LAMB4: variants seen among roughly 807,000 people sequenced by gnomAD.
The protein encoded by LAMB4 is laminin subunit beta 4, also known as laminin subunit beta-4.
Under a neutral mutation model 199.2 loss-of-function variants are expected in LAMB4, and 196 were observed. That is an observed-to-expected ratio of 0.98 (90% confidence interval 0.88 to 1.11). The LOEUF (loss-of-function observed/expected upper bound fraction) is 1.11, where lower values mean the gene tolerates loss of function less well. Ranked by LOEUF, LAMB4 falls within the 50% of genes least tolerant of loss-of-function variation. LAMB4 has a pLI of 0.00. For synonymous variants in LAMB4, 744 were observed against 770.6 expected, an observed-to-expected ratio of 0.97 and a Z score of 0.57; for missense variants, 2,080 against 2,171.2, an observed-to-expected ratio of 0.96 and a Z score of 0.83.
chr7:108,075,908 C>T lies in LAMB4; in HGVS notation c.2124+1036G>A, dbSNP rs559408862. 9.9e-5 allele frequency: 16 copies of T among 161,262 alleles called. No individual in the cohort carries two copies. In the South Asian group the frequency reaches 1.9e-3, roughly 19 times the overall value. The allele number at this position is 161,262 out of a possible 1,614,324, so 10.0% of individuals were successfully genotyped here. A position where few individuals can be genotyped will look rare whatever the true frequency, so the allele number is the denominator to read the frequency against. On this transcript the variant is annotated intron_variant, in intron 17 of 33. Transcript: ENST00000388781. ...TCAGGAGGCGGAGGTTGCAGTGAGC[C>T]GAGATTGTGCCACTGCACTGCAGCC...
intron 1 of LAMB4, among the ~76,000 whole-genome samples, chr7:108,129,167 G>T (rs2038895005): frequency 6.6e-6 from 1 of 152,204 alleles, no homozygotes; most frequent in Non-Finnish European, 1.5e-5. Flanking sequence ...GGATGAAACA[G>T]ATGAAGAGAA....
At chr7:108,092,061 T>G (rs1011665995) in intron 13 of LAMB4, among the ~76,000 whole-genome samples, 3 of 150,712 alleles carry the variant, frequency 2.0e-5, no homozygotes, top group Admixed American at 6.6e-5. Context: ...CTTTAGGATC[T>G]CTCTTTACAA....
In LAMB4 at chr7:108,043,545, G is replaced by GTTTTTTTT. The variant is rs748169558; in HGVS notation, c.4471+199_4471+206dup. Among the ~76,000 whole-genome samples, 31 of 55,964 alleles carry GTTTTTTTT rather than the reference G, an allele frequency of 5.5e-4. 2 individuals carry two copies. The highest frequency in any genetic ancestry group is 7.2e-4 in the Non-Finnish European group (25 of 34,508). 36.7% of individuals were successfully genotyped at this position (55,964 alleles called of 152,430 possible). A position where few individuals can be genotyped will look rare whatever the true frequency, so the allele number is the denominator to read the frequency against. ...AATATAATTTGGAACTGGCTATGAT[G>GTTTTTTTT]TTTTTTTTTTTTTTTTTTTTTTTTT... On this transcript the variant is annotated intron_variant, in intron 29 of 33. Transcript: ENST00000388781.
intron 7 of LAMB4, 84 bp downstream of exon 7, chr7:108,106,425 A>G: frequency 2.3e-6 from 2 of 868,260 alleles, no homozygotes; most frequent in Non-Finnish European, 3.7e-6. Context: ...CTCAAGAAAA[A>G]AAAAAAAGAA....
intron 9 of LAMB4, among the ~76,000 whole-genome samples, chr7:108,104,123 G>T (rs540362069): frequency 6.6e-6 from 1 of 152,076 alleles, no homozygotes; most frequent in Admixed American, 6.5e-5. Context: ...TTAAGGTCAC[G>T]TTCATGGAAT....
At chr7:108,048,853 C>A (rs1334331785) in intron 27 of LAMB4, among the ~76,000 whole-genome samples, 1 of 152,098 alleles carries the variant, frequency 6.6e-6, no homozygotes, top group African/African-American at 2.4e-5. Flanking sequence ...CCACTACCCC[C>A]AGGTAATTTT....
At chr7:108,018,527 C>T in the LAMB4 span, among the ~76,000 whole-genome samples, 1 of 152,064 alleles carries the variant, frequency 6.6e-6, no homozygotes, top group African/African-American at 2.4e-5. Context: ...ATCATGAGGT[C>T]GGGAGATCAA....
Position 108,030,947 on chromosome 7 carries a change from C to G in LAMB4, c.4851G>C (p.Glu1617Asp), listed in dbSNP as rs747415178. Residue 1617 changes from glutamate (E) to aspartate (D), a missense_variant, in exon 32 of 34, where the codon GAG becomes GAC. Glu to Asp is a conservative substitution (Grantham distance 45). Transcript: ENST00000388781. The stretch of plus-strand genomic sequence containing the variant: ...CTGATCGCTGCTTTGCTAACTCCAG[C>G]TCACTCTTCATTTCCCTGGTTTGAT... The part of the protein sequence containing the change: ...AENQTREMKS[E>D]LELAKQRSGL... The G allele has an allele frequency of 6.2e-7, 1 of 1,613,758 alleles. No individual in the cohort carries two copies. The highest frequency in any genetic ancestry group is 1.7e-5 in the Admixed American group (1 of 59,962).
In LAMB4 at chr7:108,111,794, AG is replaced by A; in HGVS notation, c.328+16del. 6.2e-7 allele frequency: 1 copy of A among 1,606,196 alleles called. No individual in the cohort carries two copies. Among genetic ancestry groups the A allele is most frequent in the Non-Finnish European group, 8.5e-7 (1 of 1,175,596 alleles). Reference sequence around the variant, plus strand: ...ATATTGAAGAAATAAACAACTGGAAAGGAACTTAAATCATACCATTTTCAGA... The same window carrying A: ...ATATTGAAGAAATAAACAACTGGAAAGAACTTAAATCATACCATTTTCAGA... On this transcript the variant is annotated intron_variant, in intron 4 of 33. Coordinates refer to ENST00000388781, the MANE Select transcript of LAMB4 (RefSeq NM_007356.3).
intron 7 of LAMB4, among the ~76,000 whole-genome samples, chr7:108,106,263 C>A (rs2038005594): frequency 6.6e-6 from 1 of 151,710 alleles, no homozygotes; most frequent in African/African-American, 2.4e-5. Flanking sequence ...ACATAAAATA[C>A]AAAAATTAGC....
At chr7:108,064,320 C>A (rs530024575) in intron 21 of LAMB4, among the ~76,000 whole-genome samples, 1 of 152,174 alleles carries the variant, frequency 6.6e-6, no homozygotes, top group East Asian at 1.9e-4. Flanking sequence ...CAAGACTAAT[C>A]TCAGCCCCTG....
At position 108,098,188 on chromosome 7, in the gene LAMB4, C is replaced by A. The variant is rs142305946; in HGVS notation, c.1360+215G>T. ...TCTATATTAAAAATACAAAAATTATCTGGGCGTGGTGGTGGTCGCCTGTAA... is the reference window on the plus strand; with the variant it reads ...TCTATATTAAAAATACAAAAATTATATGGGCGTGGTGGTGGTCGCCTGTAA... On this transcript the variant is annotated intron_variant, in intron 11 of 33. Coordinates refer to ENST00000388781, the MANE Select transcript of LAMB4 (RefSeq NM_007356.3). Among the ~76,000 whole-genome samples the A allele has an allele frequency of 2.8e-3, 432 of 152,254 alleles. 3 individuals are homozygous for A. The highest frequency in any genetic ancestry group is 9.9e-3 in the African/African-American group (412 of 41,534).
At chr7:108,092,833 G>A (rs1250557849) in intron 12 of LAMB4, among the ~76,000 whole-genome samples, 2 of 152,076 alleles carry the variant, frequency 1.3e-5, no homozygotes, top group African/African-American at 2.4e-5. Context: ...GAACGTGGGA[G>A]GTGGAGGCCA....
downstream of LAMB4, among the ~76,000 whole-genome samples, chr7:108,023,278 G>A (rs1040472872): frequency 6.7e-6 from 1 of 150,286 alleles, no homozygotes; most frequent in Non-Finnish European, 1.5e-5. Flanking sequence ...GAAGCAATTT[G>A]CTCTATTAGA....
At chr7:108,110,961 G>A (rs537854693) in intron 4 of LAMB4, among the ~76,000 whole-genome samples, 121 of 1,378 alleles carry the variant, frequency 0.088, 2 homozygotes, top group South Asian at 0.48. Flanking sequence ...CCTTCTAATG[G>A]TCTAAAATCT....
intron 33 of LAMB4, among the ~76,000 whole-genome samples, chr7:108,028,395 G>A (rs1361212578): frequency 3.3e-5 from 5 of 151,300 alleles, no homozygotes; most frequent in Non-Finnish European, 7.4e-5. Flanking sequence ...CATGCTAGTA[G>A]TACCTTCTAG....
chr7:108,117,813 C>T (rs370131420), intron 2 of LAMB4, among the ~76,000 whole-genome samples: 20 of 152,182 alleles, frequency 1.3e-4, no homozygotes, highest in East Asian at 1.2e-3. Context: ...AGGGTAACTT[C>T]CTGATGTTGC....
At chr7:108,059,680 G>A (rs1429122114) in intron 23 of LAMB4, among the ~76,000 whole-genome samples, 2 of 152,082 alleles carry the variant, frequency 1.3e-5, no homozygotes, top group Non-Finnish European at 2.9e-5. Context: ...TTCAGGCGTC[G>A]CTTCTTTGGC....
At chr7:108,082,144 C>A (rs980979758) in intron 14 of LAMB4, among the ~76,000 whole-genome samples, 2 of 152,048 alleles carry the variant, frequency 1.3e-5, no homozygotes, top group African/African-American at 4.8e-5. Context: ...CCTTGGCTAA[C>A]ACGGTGAAAC....
Sources: allele counts gnomAD v4.1 joint callset (sites outside exome capture counted in the v4.1 genomes callset), GRCh38; gene constraint gnomAD v4.1.1; transcripts MANE v1.5; gene names NCBI Gene and HGNC (gene_info 2026-07-23, HGNC 2026-07-21).